Variants in MAGI2 observed in about 807,000 individuals in gnomAD.
MAGI2 encodes the protein membrane associated guanylate kinase, WW and PDZ domain containing 2.
A neutral mutation model predicts 133.3 loss-of-function variants in MAGI2; 35 were observed. That is an observed-to-expected ratio of 0.26 (90% CI 0.20 to 0.35). MAGI2 has a LOEUF of 0.35. Ranked by LOEUF, MAGI2 falls within the 10% of genes least tolerant of loss-of-function variation. MAGI2 has a pLI of 1.00. For missense variants in MAGI2, 1,636 were observed against 1,863.4 expected (o/e 0.88, Z 2.25); for synonymous variants, 729 against 710.6 (o/e 1.03, Z -0.41).
At chr7:79,322,067 A>C (rs1289004592) in intron 1 of MAGI2, among the ~76,000 whole-genome samples, 1 of 152,214 alleles carries the variant, frequency 6.6e-6, no homozygotes, top group African/African-American at 2.4e-5. Flanking sequence ...ATAGTCATTT[A>C]GTAATTTTTT....
intron 21 of MAGI2, among the ~76,000 whole-genome samples, chr7:78,053,377 C>T (rs1215295355): frequency 6.6e-6 from 1 of 152,242 alleles, no homozygotes; most frequent in Non-Finnish European, 1.5e-5. Flanking sequence ...TGTCCCCTGT[C>T]TGAGGGTGCA....
intron 12 of MAGI2, among the ~76,000 whole-genome samples, chr7:78,190,333 T>A (rs1301325363): frequency 6.6e-6 from 1 of 152,214 alleles, no homozygotes; most frequent in Non-Finnish European, 1.5e-5. Flanking sequence ...CCAAATAAAT[T>A]AGCTTGAAAA....
At chr7:79,279,649 A>G (rs1472815468) in intron 1 of MAGI2, among the ~76,000 whole-genome samples, 2 of 152,200 alleles carry the variant, frequency 1.3e-5, no homozygotes, top group East Asian at 1.9e-4. Context: ...AGCCTCGGCA[A>G]CAGAGCAAGA....
Position 78,185,613 on chromosome 7 carries a change from A to G in MAGI2, c.2311+16T>C, listed in dbSNP as rs754434991. ...ACGTTTTGTTCACAGAACTGTGAGT[A>G]CTGAACAATACTTGCCAGAGGAATC... On this transcript the variant is annotated intron_variant, in intron 13 of 21. Coordinates refer to ENST00000354212, the MANE Select transcript of MAGI2 (RefSeq NM_012301.4). The G allele has an allele frequency of 5.1e-6, 8 of 1,571,598 alleles. No individual in the cohort carries two copies. The South Asian group carries it at 9.4e-5, about 19-fold the overall frequency.
chr7:79,043,155 A>G (rs1409120661), intron 1 of MAGI2, among the ~76,000 whole-genome samples: 1 of 152,136 alleles, frequency 6.6e-6, no homozygotes, highest in African/African-American at 2.4e-5. Context: ...TAACAGCCTA[A>G]CATCGCATCT....
At chr7:79,125,692 G>A in intron 1 of MAGI2, 1 of 528,432 alleles carries the variant, frequency 1.9e-6, no homozygotes, top group South Asian at 1.4e-5. Context: ...ATGAAGGGAG[G>A]AAACTTTGGA....
chr7:79,404,859 AG>A (rs1357961060), intron 1 of MAGI2, among the ~76,000 whole-genome samples: 1 of 152,126 alleles, frequency 6.6e-6, no homozygotes, highest in Non-Finnish European at 1.5e-5. Context: ...CACCTTCCTA[AG>A]GGGAACGTTC....
At chr7:79,279,926 AACC>A (rs1456961190) in intron 1 of MAGI2, among the ~76,000 whole-genome samples, 2 of 152,240 alleles carry the variant, frequency 1.3e-5, no homozygotes, top group Admixed American at 6.5e-5. Context: ...AAATAAATGC[AACC>A]AATATTATAA....
intron 1 of MAGI2, among the ~76,000 whole-genome samples, chr7:79,175,466 T>G (rs527531882): frequency 6.6e-6 from 1 of 152,066 alleles, no homozygotes; most frequent in East Asian, 1.9e-4. Flanking sequence ...GGTTTCAAAT[T>G]AAAACATCAG....
At chr7:78,066,029 G>A (rs1428199453) in intron 21 of MAGI2, among the ~76,000 whole-genome samples, 1 of 152,148 alleles carries the variant, frequency 6.6e-6, no homozygotes, top group East Asian at 1.9e-4. Flanking sequence ...ACTGTCATTT[G>A]AGAATCAGTC....
At chr7:78,266,671 G>A (rs1479987943) in intron 9 of MAGI2, among the ~76,000 whole-genome samples, 1 of 151,780 alleles carries the variant, frequency 6.6e-6, no homozygotes, top group Non-Finnish European at 1.5e-5. Flanking sequence ...TCCACCTCCC[G>A]GGTTCAAGCA....
intron 2 of MAGI2, among the ~76,000 whole-genome samples, chr7:78,690,435 A>G (rs1816835130): frequency 6.6e-6 from 1 of 152,234 alleles, no homozygotes; most frequent in Admixed American, 6.5e-5. Flanking sequence ...CATAGCATTA[A>G]GAAGCAAAAA....
chr7:78,572,656 A>ATATT (rs373624582), intron 3 of MAGI2, among the ~76,000 whole-genome samples: 2,528 of 151,678 alleles, frequency 0.017, 91 homozygotes, highest in South Asian at 0.13. Flanking sequence ...ATTTACTTTT[A>ATATT]TATTTATTTA....
chr7:78,714,574 A>T (rs528490642), intron 2 of MAGI2, among the ~76,000 whole-genome samples: 1 of 152,308 alleles, frequency 6.6e-6, no homozygotes, highest in East Asian at 1.9e-4. Context: ...GAGCTAGTTC[A>T]TGGAGGCGGG....
At chr7:78,997,416 C>T (rs1484442437) in intron 2 of MAGI2, among the ~76,000 whole-genome samples, 3 of 151,916 alleles carry the variant, frequency 2.0e-5, no homozygotes, top group Non-Finnish European at 2.9e-5. Flanking sequence ...CCAGCCTGAC[C>T]AACATGGAGA....
chr7:78,873,386 T>C (rs1052665970), intron 2 of MAGI2, among the ~76,000 whole-genome samples: 1 of 152,128 alleles, frequency 6.6e-6, no homozygotes, highest in African/African-American at 2.4e-5. Flanking sequence ...CATTACTCCC[T>C]GACCTCCATC....
At chr7:79,252,258 GC>G (rs1195502711) in intron 1 of MAGI2, among the ~76,000 whole-genome samples, 4 of 151,734 alleles carry the variant, frequency 2.6e-5, no homozygotes, top group African/African-American at 7.3e-5. Flanking sequence ...GTAATGAGAT[GC>G]TGTCATTTGC....
intron 1 of MAGI2, among the ~76,000 whole-genome samples, chr7:79,324,804 T>A (rs549273667): frequency 1.4e-5 from 2 of 147,068 alleles, no homozygotes; most frequent in Non-Finnish European, 3.0e-5. Flanking sequence ...TTTAAAAAAG[T>A]CAGGGAAAAC....
chr7:78,559,463 G>A (rs1584632862), intron 3 of MAGI2, among the ~76,000 whole-genome samples: 2 of 152,146 alleles, frequency 1.3e-5, no homozygotes, highest in South Asian at 4.1e-4. Flanking sequence ...TATTTTCTGT[G>A]GAGCTCATTT....
Sources: allele counts gnomAD v4.1 joint callset (sites outside exome capture counted in the v4.1 genomes callset), GRCh38; gene constraint gnomAD v4.1.1; transcripts MANE v1.5; gene names NCBI Gene and HGNC (gene_info 2026-07-23, HGNC 2026-07-21).